Variants in TENM4 observed in about 807,000 individuals in gnomAD.
The protein encoded by TENM4 is teneurin transmembrane protein 4.
Under a neutral mutation model 243.3 loss-of-function variants are expected in TENM4, and 82 were observed. That is an observed-to-expected ratio of 0.34 (90% CI 0.28 to 0.40). The LOEUF (loss-of-function observed/expected upper bound fraction) is 0.40. TENM4 is among the 10% of genes least tolerant of loss of function. The pLI is 1.00. For missense variants in TENM4, 3,138 were observed against 3,673.3 expected (o/e 0.85, Z 3.77); for synonymous variants, 1,412 against 1,456.3 (o/e 0.97, Z 0.69).
Position 79,037,124 on chromosome 11 carries a change from C to T in TENM4, c.493+27614G>A, listed in dbSNP as rs546025615. Among the ~76,000 whole-genome samples the T allele has an allele frequency of 3.3e-5, 5 of 151,768 alleles. No homozygotes were observed. The South Asian group carries it at 8.4e-4, about 25-fold the overall frequency. On this transcript the variant is annotated intron_variant, in intron 6 of 33. Transcript: ENST00000278550. ...AGGATGAGGGCAGGTAGGAAAGGGG[C>T]GATTGTATTACAACATCATCCAGGA... is the stretch of plus-strand genomic sequence containing the variant.
At chr11:79,204,242 G>A (rs1162444894) in intron 3 of TENM4, among the ~76,000 whole-genome samples, 2 of 152,052 alleles carry the variant, frequency 1.3e-5, no homozygotes, top group Non-Finnish European at 2.9e-5. Flanking sequence ...GCACTGAATT[G>A]TACACTTTAA....
intron 32 of TENM4, among the ~76,000 whole-genome samples, chr11:78,667,597 A>G (rs772738912): frequency 6.6e-6 from 1 of 152,086 alleles, no homozygotes; most frequent in Non-Finnish European, 1.5e-5. Context: ...CTGTGCTTCA[A>G]TGGGCATCTG....
chr11:78,665,842 A>G (rs1479373427), intron 32 of TENM4, among the ~76,000 whole-genome samples: 5 of 152,218 alleles, frequency 3.3e-5, no homozygotes, highest in Non-Finnish European at 7.3e-5. Context: ...CCAGCAGTCC[A>G]TTCTGCCTTC....
intron 9 of TENM4, among the ~76,000 whole-genome samples, chr11:78,879,470 C>T (rs866019212): frequency 4.1e-4 from 49 of 120,142 alleles, no homozygotes; most frequent in Middle Eastern, 6.4e-3. Context: ...GCCGCCACAC[C>T]GTCTGGGAGG....
intron 2 of TENM4, among the ~76,000 whole-genome samples, chr11:79,218,818 A>T (rs1307727003): frequency 6.6e-6 from 1 of 152,238 alleles, no homozygotes; most frequent in Non-Finnish European, 1.5e-5. Flanking sequence ...GAAAGTTTTT[A>T]AAAGTATTTA....
At chr11:79,292,401 C>A (rs562806649) in intron 2 of TENM4, among the ~76,000 whole-genome samples, 1 of 152,326 alleles carries the variant, frequency 6.6e-6, no homozygotes, top group Admixed American at 6.5e-5. Flanking sequence ...GCTGATTTTG[C>A]CCCTACTTGT....
intron 6 of TENM4, among the ~76,000 whole-genome samples, chr11:79,017,642 T>C (rs1465348899): frequency 6.6e-6 from 1 of 152,184 alleles, no homozygotes; most frequent in Non-Finnish European, 1.5e-5. Context: ...GTTGTTTAAC[T>C]TTTAAGCCAA....
chr11:79,434,114 C>T (rs900293475), intron 1 of TENM4, among the ~76,000 whole-genome samples: 1 of 152,210 alleles, frequency 6.6e-6, no homozygotes, highest in Admixed American at 6.5e-5. Flanking sequence ...AAATCCCACA[C>T]TTGAGAAGGG....
At chr11:79,206,306 A>C (rs2135202602) in intron 3 of TENM4, among the ~76,000 whole-genome samples, 1 of 152,360 alleles carries the variant, frequency 6.6e-6, no homozygotes, top group East Asian at 1.9e-4. Context: ...CTAGAATTGC[A>C]GGAAAGTGGC....
intron 6 of TENM4, among the ~76,000 whole-genome samples, chr11:78,949,086 C>T (rs1591155243): frequency 6.6e-6 from 1 of 152,172 alleles, no homozygotes; most frequent in Non-Finnish European, 1.5e-5. Flanking sequence ...TGACACAAAG[C>T]CCAGTCTCTT....
At chr11:78,774,664 T>C (rs1591013959) in intron 17 of TENM4, among the ~76,000 whole-genome samples, 1 of 152,240 alleles carries the variant, frequency 6.6e-6, no homozygotes, top group African/African-American at 2.4e-5. Context: ...TGGCCTAATA[T>C]GGGGGGAGTT....
intron 6 of TENM4, among the ~76,000 whole-genome samples, chr11:78,970,188 G>T (rs1368354090): frequency 6.6e-6 from 1 of 152,154 alleles, no homozygotes; most frequent in East Asian, 1.9e-4. Flanking sequence ...TTTTATTCCA[G>T]TGAGTTATGT....
intron 4 of TENM4, among the ~76,000 whole-genome samples, chr11:79,080,408 A>G (rs563386210): frequency 6.6e-6 from 1 of 152,356 alleles, no homozygotes; most frequent in East Asian, 1.9e-4. Context: ...GGGGCACTGC[A>G]TCAGGTGGGG....
chr11:79,203,195 G>A (rs960066902), intron 3 of TENM4, among the ~76,000 whole-genome samples: 1 of 152,176 alleles, frequency 6.6e-6, no homozygotes, highest in Non-Finnish European at 1.5e-5. Flanking sequence ...AAATGCCACA[G>A]CCTCTAGAAA....
chr11:78,918,068 C>A (rs563710766), intron 6 of TENM4, among the ~76,000 whole-genome samples: 1 of 152,252 alleles, frequency 6.6e-6, no homozygotes, highest in South Asian at 2.1e-4. Flanking sequence ...AACTAAGTGC[C>A]AAGAAATCCA....
intron 31 of TENM4, among the ~76,000 whole-genome samples, chr11:78,671,736 T>G (rs1158477309): frequency 6.6e-6 from 1 of 152,190 alleles, no homozygotes; most frequent in Non-Finnish European, 1.5e-5. Flanking sequence ...AGCAGACCCT[T>G]GGCCTGGGTC....
chr11:79,057,013 C>T (rs1859961539), intron 6 of TENM4, among the ~76,000 whole-genome samples: 1 of 152,166 alleles, frequency 6.6e-6, no homozygotes, highest in African/African-American at 2.4e-5. Flanking sequence ...CTATCCCCAT[C>T]CACAGGTACA....
chr11:78,868,324 C>G (rs540314139), intron 9 of TENM4, among the ~76,000 whole-genome samples: 5 of 152,294 alleles, frequency 3.3e-5, no homozygotes, highest in African/African-American at 1.2e-4. Context: ...TAACTTGATA[C>G]TGGTTTTCCC....
At chr11:79,409,145 T>A (rs1383800013) in intron 1 of TENM4, among the ~76,000 whole-genome samples, 4 of 146,130 alleles carry the variant, frequency 2.7e-5, no homozygotes, top group Non-Finnish European at 3.0e-5. Context: ...TGCGTGAGAG[T>A]TAGTGGTTTT....
Sources: allele counts gnomAD v4.1 joint callset (sites outside exome capture counted in the v4.1 genomes callset), GRCh38; gene constraint gnomAD v4.1.1; transcripts MANE v1.5; gene names NCBI Gene and HGNC (gene_info 2026-07-23, HGNC 2026-07-21).